Variants in KCNK9 observed in about 807,000 individuals in gnomAD.
The protein encoded by KCNK9 is potassium channel subfamily K member 9.
In KCNK9, 1 loss-of-function variant was observed where a neutral mutation model predicts 10.8. That is an observed-to-expected ratio of 0.09 (90% CI 0.03 to 0.44). The LOEUF (loss-of-function observed/expected upper bound fraction) is 0.44. Among genes scored for constraint, KCNK9 ranks in the 20% least tolerant of loss-of-function variants. The pLI is 0.97. For synonymous variants in KCNK9, 231 were observed against 222.7 expected, an observed-to-expected ratio of 1.04 and a Z score of -0.33; for missense variants, 303 against 515.0, an observed-to-expected ratio of 0.59 and a Z score of 3.98.
intron 1 of KCNK9, among the ~76,000 whole-genome samples, chr8:139,697,510 A>T (rs1391421452): frequency 6.6e-6 from 1 of 152,020 alleles, no homozygotes; most frequent in African/African-American, 2.4e-5. Context: ...TGTGTGAATA[A>T]GCAGGTGCAT....
intron 1 of KCNK9, among the ~76,000 whole-genome samples, chr8:139,659,037 G>T (rs1816087765): frequency 6.6e-6 from 1 of 152,244 alleles, no homozygotes; most frequent in African/African-American, 2.4e-5. Context: ...CAAGTTTTGG[G>T]GGAAGACAAG....
intron 1 of KCNK9, among the ~76,000 whole-genome samples, chr8:139,663,194 C>T (rs1005064494): frequency 3.9e-5 from 6 of 152,186 alleles, no homozygotes; most frequent in Admixed American, 3.9e-4. Context: ...TGCACACGCC[C>T]CACATACACA....
chr8:139,605,009 C>A (rs189390211), intron 2 of KCNK9, among the ~76,000 whole-genome samples: 4 of 152,230 alleles, frequency 2.6e-5, no homozygotes, highest in Admixed American at 2.0e-4. Flanking sequence ...ACTAAGGGCA[C>A]GACCCAGAAA....
At chr8:139,636,260 C>A (rs532495636) in intron 1 of KCNK9, among the ~76,000 whole-genome samples, 1 of 152,224 alleles carries the variant, frequency 6.6e-6, no homozygotes, top group Non-Finnish European at 1.5e-5. Flanking sequence ...AGGCTAAGTA[C>A]CCTGTCACAG....
intron 1 of KCNK9, among the ~76,000 whole-genome samples, chr8:139,634,643 C>A (rs1360890409): frequency 6.6e-6 from 1 of 152,196 alleles, no homozygotes; most frequent in East Asian, 1.9e-4. Context: ...ATGGCTCAGA[C>A]CCCAATTTGT....
rs947392678 is a variant in KCNK9 at position 139,702,591 on chromosome 8, C to T, written c.283+119G>A. On this transcript the variant is annotated intron_variant, in intron 1 of 1. Coordinates refer to ENST00000520439, the MANE Select transcript of KCNK9 (RefSeq NM_001282534.2). The surrounding 1 kb of genome is among the most constrained non-coding windows in gnomAD (Gnocchi z 7.5). ...AGAGGAGGGGGCGCTGCGGGAAGGC[C>T]CCCAAGGGAGGCTGCGTTTAACCCT... The T allele has an allele frequency of 1.2e-4, 128 of 1,071,354 alleles. No individual in the cohort carries two copies. The African/African-American group carries it at 1.8e-3, about 15-fold the overall frequency. The allele number at this position is 1,071,354 out of a possible 1,614,324, so 66.4% of individuals were successfully genotyped here. A position where few individuals can be genotyped will look rare whatever the true frequency, so the allele number is the denominator to read the frequency against.
At position 139,690,146 on chromosome 8, in the gene KCNK9, G is replaced by GTATGCAACAAC. The variant is rs557862551; in HGVS notation, c.283+12563_283+12564insGTTGTTGCATA. Among the ~76,000 whole-genome samples the GTATGCAACAAC allele has an allele frequency of 1.7e-3, 257 of 152,314 alleles. 1 individual carries two copies. The highest frequency in any genetic ancestry group is 0.01 in the Middle Eastern group (3 of 294). On this transcript the variant is annotated intron_variant, in intron 1 of 1. Transcript: ENST00000520439. ...TAACTGATAAAGGTGAAAAGACACT[G>GTATGCAACAAC]TATGTAACAACATAGTTAGCACAGA...
chr8:139,668,235 C>A lies in KCNK9; in HGVS notation c.283+34475G>T, dbSNP rs186596156. ...GAGGAGCAAAAAAATTAACTCATGGCTTAATACTTGGATGATGAAGTGATC... is the reference window on the plus strand; with the variant it reads ...GAGGAGCAAAAAAATTAACTCATGGATTAATACTTGGATGATGAAGTGATC... On this transcript the variant is annotated intron_variant, in intron 1 of 1. Transcript: ENST00000520439. Among the ~76,000 whole-genome samples, 4 of 152,162 alleles carry A rather than the reference C, an allele frequency of 2.6e-5. No homozygotes were observed. In the East Asian group the frequency reaches 7.7e-4, roughly 29 times the overall value.
At chr8:139,680,333 C>A (rs906655534) in intron 1 of KCNK9, among the ~76,000 whole-genome samples, 1 of 152,186 alleles carries the variant, frequency 6.6e-6, no homozygotes, top group Non-Finnish European at 1.5e-5. Flanking sequence ...TTCCACCTCC[C>A]CACCCGGATC....
intron 1 of KCNK9, among the ~76,000 whole-genome samples, chr8:139,673,550 A>T (rs1816485025): frequency 6.6e-6 from 1 of 152,238 alleles, no homozygotes; most frequent in African/African-American, 2.4e-5. Flanking sequence ...CTGGTAAAAC[A>T]CCACTGGCCC....
intron 1 of KCNK9, among the ~76,000 whole-genome samples, chr8:139,701,991 G>A (rs898378091): frequency 6.6e-6 from 1 of 152,144 alleles, no homozygotes; most frequent in Non-Finnish European, 1.5e-5. Context: ...CAGTGTCACA[G>A]CCTAGGGAGT....
At chr8:139,604,669 C>T (rs375935163) in intron 2 of KCNK9, among the ~76,000 whole-genome samples, 8 of 152,262 alleles carry the variant, frequency 5.3e-5, no homozygotes, top group East Asian at 3.9e-4. Flanking sequence ...CGGAACACCC[C>T]GGAGTAAGTT....
chr8:139,607,601 C>G (rs1273300591), downstream of KCNK9, among the ~76,000 whole-genome samples: 1 of 152,126 alleles, frequency 6.6e-6, no homozygotes. Context: ...CAAGGAGACC[C>G]CATCTGATGG....
intron 1 of KCNK9, among the ~76,000 whole-genome samples, chr8:139,682,286 C>A (rs1313945238): frequency 2.0e-5 from 3 of 152,194 alleles, no homozygotes; most frequent in African/African-American, 7.2e-5. Context: ...TCTCGGAGGG[C>A]CTGCTTAGTG....
At chr8:139,657,720 C>A (rs775275030) in intron 1 of KCNK9, among the ~76,000 whole-genome samples, 53 of 152,206 alleles carry the variant, frequency 3.5e-4, no homozygotes, top group Non-Finnish European at 6.3e-4. Context: ...CTAAGCTGCA[C>A]CGCATGGTCA....
At chr8:139,649,573 G>C (rs529516711) in intron 1 of KCNK9, among the ~76,000 whole-genome samples, 1 of 152,018 alleles carries the variant, frequency 6.6e-6, no homozygotes, top group African/African-American at 2.4e-5. Flanking sequence ...TTCCATGCCC[G>C]GTCTACTCCC....
At chr8:139,610,152 C>T (rs186104589), downstream of KCNK9, among the ~76,000 whole-genome samples, 198 of 152,320 alleles carry the variant, frequency 1.3e-3, 2 homozygotes, top group African/African-American at 4.7e-3. Context: ...AACAGCTTTG[C>T]ACACAGAGCT....
intron 1 of KCNK9, among the ~76,000 whole-genome samples, chr8:139,701,300 C>T: frequency 6.6e-6 from 1 of 152,300 alleles, no homozygotes; most frequent in Non-Finnish European, 1.5e-5. Flanking sequence ...GGACAATTTC[C>T]TTCACAAACA....
chr8:139,666,349 G>A (rs769015327), intron 1 of KCNK9, among the ~76,000 whole-genome samples: 1 of 152,204 alleles, frequency 6.6e-6, no homozygotes, highest in Non-Finnish European at 1.5e-5. Flanking sequence ...TAAGCACGGC[G>A]CTATGTCAGT....
Sources: allele counts gnomAD v4.1 joint callset (sites outside exome capture counted in the v4.1 genomes callset), GRCh38; gene constraint gnomAD v4.1.1; non-coding constraint Gnocchi (gnomAD v3.1); transcripts MANE v1.5; gene names NCBI Gene and HGNC (gene_info 2026-07-23, HGNC 2026-07-21).